CHRNA4: variants seen among roughly 807,000 people sequenced by gnomAD.
CHRNA4 encodes neuronal acetylcholine receptor subunit alpha-4.
A neutral mutation model predicts 48.9 loss-of-function variants in CHRNA4; 28 were observed. The observed-to-expected ratio is 0.57, with a 90% CI of 0.42 to 0.79. CHRNA4 has a LOEUF of 0.79. CHRNA4 is among the 30% of genes least tolerant of loss of function. The pLI is 0.00. For synonymous variants in CHRNA4, 425 were observed against 402.3 expected, an observed-to-expected ratio of 1.06 and a Z score of -0.68; for missense variants, 859 against 898.4, an observed-to-expected ratio of 0.96 and a Z score of 0.56.
intron 5 of CHRNA4, among the ~76,000 whole-genome samples, chr20:63,348,951 C>G (rs1239211000): frequency 6.6e-6 from 1 of 152,226 alleles, no homozygotes; most frequent in East Asian, 1.9e-4. Context: ...TGCCACTTAG[C>G]AGAAACTGTG....
At chr20:63,351,246 G>C (rs200368330) in intron 4 of CHRNA4, 1 of 362,860 alleles carries the variant, frequency 2.8e-6, no homozygotes, top group African/African-American at 3.9e-5. Context: ...CCACGTCCAC[G>C]TCCACGTCCA....
chr20:63,350,814 G>C lies in CHRNA4; in HGVS notation c.597C>G (p.Asp199Glu), dbSNP rs376632839. ...CGCCACTCTCCCAGAAGTCCAGCTGGTCCACGCGGCTGTGCATGTTCACCA... is the reference window on the plus strand; with the variant it reads ...CGCCACTCTCCCAGAAGTCCAGCTGCTCCACGCGGCTGTGCATGTTCACCA... ...IDLVNMHSRV[D>E]QLDFWESGEW... is the part of the protein sequence containing the mutation. Residue 199 changes from aspartate to glutamate, a missense_variant, in exon 5 of 6, where the codon GAC (aspartate) becomes GAG (glutamate). Transcript: ENST00000370263. 3.1e-6 allele frequency: 5 copies of C among 1,613,852 alleles called. No individual in the cohort carries two copies. In the African/African-American group the frequency reaches 4.0e-5, roughly 13 times the overall value.
chr20:63,359,703 CG>C lies in CHRNA4; in HGVS notation c.77-5del, dbSNP rs1209439525. ...CGGGTCTCCACATGGCTGCTGGCTGCGGGGAGAGGCAGGCCAGTGGCTCAGG... is the reference window on the plus strand; with the variant it reads ...CGGGTCTCCACATGGCTGCTGGCTGCGGGAGAGGCAGGCCAGTGGCTCAGG... On this transcript the variant is annotated splice_region_variant and splice_polypyrimidine_tract_variant and intron_variant, in intron 1 of 5. Transcript: ENST00000370263. The C allele has an allele frequency of 1.6e-5, 26 of 1,610,042 alleles. No individual in the cohort carries two copies. The highest frequency in any genetic ancestry group is 2.1e-5 in the Non-Finnish European group (25 of 1,179,708).
Position 63,349,927 on chromosome 20 carries a change from C to G in CHRNA4, c.1484G>C (p.Arg495Pro), listed in dbSNP as rs549863396. The G allele has an allele frequency of 2.0e-5, 32 of 1,591,366 alleles. No individual in the cohort carries two copies. In the East Asian group the frequency reaches 5.4e-4, roughly 27 times the overall value. ...RSRSIQYCVPRDDAAPEADGQ... is the reference protein window; with the variant it reads ...RSRSIQYCVPPDDAAPEADGQ... The stretch of plus-strand genomic sequence containing the variant: ...ATCTGCCTCGGGGGCGGCATCGTCT[C>G]GGGGAACACAGTACTGGATGCTCCG... Residue 495 changes from arginine (R) to proline (P), a missense_variant, in exon 5 of 6, where the codon CGA becomes CCA. Transcript: ENST00000370263.
rs199504576 is a variant in CHRNA4, at chr20:63,350,367, G to A, written c.1044C>T (p.Phe348=). Residue 348 remains phenylalanine, a synonymous_variant, in exon 5 of 6, where the codon TTC becomes TTT. Coordinates refer to ENST00000370263, the MANE Select transcript of CHRNA4 (RefSeq NM_000744.7). ...GGAGCAGGCGTGGCACGATGTCCAG[G>A]AAGACCCTGCGTACCCAGGTGGGCA... The part of the protein sequence containing the change: ...HTMPTWVRRV[F]LDIVPRLLLM... The A allele has an allele frequency of 9.8e-5, 158 of 1,613,644 alleles. No individual in the cohort carries two copies. The highest frequency in any genetic ancestry group is 1.2e-4 in the Non-Finnish European group (146 of 1,180,038).
Position 63,343,690 on chromosome 20 carries a change from C to A in CHRNA4, c.*3048G>T. 1 of 446,312 alleles carries A rather than the reference C, an allele frequency of 2.2e-6. No individual in the cohort carries two copies. Among genetic ancestry groups the A allele is most frequent in the Non-Finnish European group, 4.5e-6 (1 of 221,732 alleles). 27.6% of individuals were successfully genotyped at this position (446,312 alleles called of 1,614,324 possible). A position where few individuals can be genotyped will look rare whatever the true frequency, so the allele number is the denominator to read the frequency against. ...GCAGAAGGGGCTGGGAAGCCCTGGC[C>A]AGGGCCTTCACTGGGGCCTCCCCTG... On this transcript the variant is annotated 3_prime_UTR_variant, in exon 6 of 6. Coordinates refer to ENST00000370263, the MANE Select transcript of CHRNA4 (RefSeq NM_000744.7).
rs1425033383 is a variant in CHRNA4, at chr20:63,343,633, GCC to G, written c.*3103_*3104del. On this transcript the variant is annotated 3_prime_UTR_variant, in exon 6 of 6. Coordinates refer to ENST00000370263, the MANE Select transcript of CHRNA4 (RefSeq NM_000744.7). ...GGAGGGCCACGTCGCCCCAGGCCGG[GCC>G]ACACGGGAAGCACCCAGGCCGGTCC... 2 of 452,272 alleles carry G rather than the reference GCC, an allele frequency of 4.4e-6. No individual in the cohort carries two copies. The highest frequency in any genetic ancestry group is 4.4e-6 in the Non-Finnish European group (1 of 225,522). 28.0% of individuals were successfully genotyped at this position (452,272 alleles called of 1,614,324 possible). A position where few individuals can be genotyped will look rare whatever the true frequency, so the allele number is the denominator to read the frequency against.
Position 63,343,855 on chromosome 20 carries a change from G to A in CHRNA4, c.*2883C>T, listed in dbSNP as rs1601459720. On this transcript the variant is annotated 3_prime_UTR_variant, in exon 6 of 6. Transcript: ENST00000370263. ...TGGCTTAGTGTGAGACTTTGATAGG[G>A]GGTCGGGGGTCACAGCCCTGGCAAG... is the stretch of plus-strand genomic sequence containing the variant. 4.4e-6 allele frequency: 2 copies of A among 454,182 alleles called. No homozygotes were observed. Among genetic ancestry groups the A allele is most frequent in the South Asian group, 3.1e-5 (2 of 64,484 alleles). The allele number at this position is 454,182 out of a possible 1,614,324, so 28.1% of individuals were successfully genotyped here.
Position 63,352,065 on chromosome 20 carries a change from G to A in CHRNA4, c.384-1038C>T, listed in dbSNP as rs568013138. Among the ~76,000 whole-genome samples, 17 of 152,298 alleles carry A rather than the reference G, an allele frequency of 1.1e-4. No homozygotes were observed. The South Asian group carries it at 3.1e-3, about 28-fold the overall frequency. On this transcript the variant is annotated intron_variant, in intron 4 of 5. Transcript: ENST00000370263. ...GGCCAGGCTCAGCTCTGTGGAGGGC[G>A]CTGGGGCACGACGCGTCGGGGGGAG...
chr20:63,350,682 C>T lies in CHRNA4; in HGVS notation c.729G>A (p.Pro243=), dbSNP rs121912253. The T allele has an allele frequency of 5.4e-5, 87 of 1,613,640 alleles. No homozygotes were observed. The highest frequency in any genetic ancestry group is 1.6e-4 in the Middle Eastern group (1 of 6,084). ...ITYAFVIRRL[P]LFYTINLIIP... is the part of the protein sequence containing the mutation. ...TGATGAGGTTGATGGTGTAGAAGAG[C>T]GGCAGCCGCCGGATGACGAAGGCAT... Residue 243 remains proline (P), a synonymous_variant, in exon 5 of 6, where the codon CCG becomes CCA. Coordinates refer to ENST00000370263, the MANE Select transcript of CHRNA4 (RefSeq NM_000744.7).
At chr20:63,359,905 G>GTGTGTGTGTGTGTGTGCCGGGCGTGCGC (rs2068785913) in intron 1 of CHRNA4, 5 of 341,364 alleles carry the variant, frequency 1.5e-5, no homozygotes, top group African/African-American at 9.8e-5. Context: ...TGCTGTGTGT[G>GTGTGTGTGTGTGTGTGCCGGGCGTGCGC]TGTGTGTGTG....
intron 4 of CHRNA4, chr20:63,355,472 G>A (rs1379411886): frequency 7.9e-7 from 1 of 1,258,702 alleles, no homozygotes; most frequent in African/African-American, 1.5e-5. Context: ...CTAGTGGCAT[G>A]AGAACCATCT....
intron 2 of CHRNA4, among the ~76,000 whole-genome samples, chr20:63,358,526 G>T (rs1321188709): frequency 6.6e-6 from 1 of 152,224 alleles, no homozygotes; most frequent in Non-Finnish European, 1.5e-5. Flanking sequence ...CTCCCCATGT[G>T]GGGGTGCCCT....
At chr20:63,351,477 G>A (rs2068615326) in intron 4 of CHRNA4, among the ~76,000 whole-genome samples, 1 of 152,194 alleles carries the variant, frequency 6.6e-6, no homozygotes, top group Non-Finnish European at 1.5e-5. Flanking sequence ...GCGCATGGAT[G>A]GGGCTAGTCT....
At chr20:63,356,903 TCA>T (rs2068726277) in intron 2 of CHRNA4, among the ~76,000 whole-genome samples, 1 of 152,064 alleles carries the variant, frequency 6.6e-6, no homozygotes, top group Non-Finnish European at 1.5e-5. Flanking sequence ...TCACTCAAGG[TCA>T]CTGTGTGCAG....
In CHRNA4 at chr20:63,361,198, C is replaced by A. The variant is rs1389337349; in HGVS notation, c.-33G>T. The stretch of plus-strand genomic sequence containing the variant: ...GCACCTCGCGGGCTCTAGATGCGGG[C>A]GGCTCCCGGCTCCCCGCCGCTTCGA... On this transcript the variant is annotated 5_prime_UTR_variant, in exon 1 of 6. Coordinates refer to ENST00000370263, the MANE Select transcript of CHRNA4 (RefSeq NM_000744.7). 7 of 1,448,016 alleles carry A rather than the reference C, an allele frequency of 4.8e-6. No homozygotes were observed. Among genetic ancestry groups the A allele is most frequent in the Non-Finnish European group, 6.3e-6 (7 of 1,102,632 alleles). 89.7% of individuals were successfully genotyped at this position (1,448,016 alleles called of 1,614,324 possible).
At position 63,361,309 on chromosome 20, in the gene CHRNA4, C is replaced by T. The variant is rs1228374693; in HGVS notation, c.-144G>A. 5.0e-5 allele frequency: 61 copies of T among 1,211,058 alleles called. No individual in the cohort carries two copies. The highest frequency in any genetic ancestry group is 5.6e-5 in the Non-Finnish European group (55 of 980,066). 75.0% of individuals were successfully genotyped at this position (1,211,058 alleles called of 1,614,324 possible). ...CCGGTTCGTCTTCTCCTGTGGGGCG[C>T]GGTGCGGCGGCGGCGCGGCAGGGAG... is the stretch of plus-strand genomic sequence containing the variant. On this transcript the variant is annotated 5_prime_UTR_variant, in exon 1 of 6. Transcript: ENST00000370263.
chr20:63,359,207 T>C (rs1196123208), intron 2 of CHRNA4, among the ~76,000 whole-genome samples: 3 of 152,224 alleles, frequency 2.0e-5, no homozygotes, highest in African/African-American at 7.2e-5. Context: ...TTGTCCCTGT[T>C]GCTCCGAGGT....
chr20:63,352,703 A>C (rs897641390), intron 4 of CHRNA4, among the ~76,000 whole-genome samples: 2 of 152,012 alleles, frequency 1.3e-5, no homozygotes, highest in South Asian at 4.1e-4. Context: ...TTCAGCACAC[A>C]CTCTACAGGG....
Sources: allele counts gnomAD v4.1 joint callset (sites outside exome capture counted in the v4.1 genomes callset), GRCh38; gene constraint gnomAD v4.1.1; transcripts MANE v1.5; gene names NCBI Gene and HGNC (gene_info 2026-07-23, HGNC 2026-07-21).